The following CHUK variants were observed in gnomAD, a reference collection of about 807,000 sequenced individuals.
The protein encoded by CHUK is component of inhibitor of nuclear factor kappa B kinase complex, also known as inhibitor of nuclear factor kappa-B kinase subunit alpha.
In CHUK, 35 loss-of-function variants were observed where a neutral mutation model predicts 104.8. The ratio of observed to expected loss-of-function variants is 0.33; its 90% CI spans 0.26 to 0.44. The LOEUF (loss-of-function observed/expected upper bound fraction) is 0.44, where lower values mean the gene tolerates loss of function less well. CHUK is among the 20% of genes least tolerant of loss of function. The pLI is 1.00. For synonymous variants in CHUK, 276 were observed against 291.9 expected (o/e 0.95, Z 0.56); for missense variants, 663 against 902.7 (o/e 0.73, Z 3.40).
chr10:100,207,988 G>C (rs908868628), intron 10 of CHUK, among the ~76,000 whole-genome samples: 1 of 152,024 alleles, frequency 6.6e-6, no homozygotes, highest in African/African-American at 2.4e-5. Context: ...GTCATAAAAA[G>C]AAAAATGGGG....
intron 20 of CHUK, chr10:100,190,323 T>C (rs78531297): frequency 0.012 from 1,941 of 167,926 alleles, 43 homozygotes; most frequent in African/African-American, 0.044. Flanking sequence ...GCCTGGCCAC[T>C]GCTATTTTTC....
chr10:100,186,350 G>A (rs974224185), downstream of CHUK: 1 of 280,518 alleles, frequency 3.6e-6, no homozygotes, highest in Non-Finnish European at 6.6e-6. Flanking sequence ...TTGTCCTTTT[G>A]CAGTGTATGC....
intron 20 of CHUK, among the ~76,000 whole-genome samples, 153 bp from the exon 21 acceptor site, chr10:100,189,780 CAG>C (rs897206889): frequency 1.5e-4 from 23 of 151,624 alleles, no homozygotes; most frequent in Non-Finnish European, 2.7e-4. Context: ...AAAAAAATTT[CAG>C]AGTTTTTTTC....
At chr10:100,227,436 A>C (rs117824388) in intron 1 of CHUK, among the ~76,000 whole-genome samples, 1,684 of 152,326 alleles carry the variant, frequency 0.011, 15 homozygotes, top group Non-Finnish European at 0.018. Context: ...CCCAGGGACC[A>C]AGAAAAGAAG....
In CHUK at chr10:100,229,565, A is replaced by G. The variant is rs756863165; in HGVS notation, c.-33T>C. 764 of 1,380,278 alleles carry G rather than the reference A, an allele frequency of 5.5e-4. 1 individual carries two copies. Among genetic ancestry groups the G allele is most frequent in the Non-Finnish European group, 6.7e-4 (677 of 1,014,468 alleles). 85.5% of individuals were successfully genotyped at this position (1,380,278 alleles called of 1,614,324 possible). A position where few individuals can be genotyped will look rare whatever the true frequency, so the allele number is the denominator to read the frequency against. On this transcript the variant is annotated 5_prime_UTR_variant, in exon 1 of 21. Transcript: ENST00000370397. ...GAGGGCAAGCGGCCTCAGGTTCCACAGTTGTTCCAAGGCCGGTTCCGGGCC... is the reference window on the plus strand; with the variant it reads ...GAGGGCAAGCGGCCTCAGGTTCCACGGTTGTTCCAAGGCCGGTTCCGGGCC...
At chr10:100,191,587 G>C (rs533820456) in intron 19 of CHUK, among the ~76,000 whole-genome samples, 2 of 152,338 alleles carry the variant, frequency 1.3e-5, no homozygotes, top group African/African-American at 4.8e-5. Flanking sequence ...AGGCAGTCCT[G>C]ATTGTGGTTT....
At chr10:100,202,626 G>T (rs1367997894) in intron 13 of CHUK, among the ~76,000 whole-genome samples, 2 of 152,212 alleles carry the variant, frequency 1.3e-5, no homozygotes, top group African/African-American at 4.8e-5. Context: ...CTGTGAGACA[G>T]TAAGTTTCCA....
intron 9 of CHUK, among the ~76,000 whole-genome samples, chr10:100,211,384 A>G (rs1180448135): frequency 6.6e-6 from 1 of 152,172 alleles, no homozygotes; most frequent in Non-Finnish European, 1.5e-5. Flanking sequence ...CAGCTAATTA[A>G]TATATCTGTC....
At chr10:100,213,352 C>T (rs1000285825) in intron 9 of CHUK, among the ~76,000 whole-genome samples, 3 of 151,952 alleles carry the variant, frequency 2.0e-5, no homozygotes, top group Non-Finnish European at 2.9e-5. Context: ...GCCATGATGG[C>T]GCACACCTGT....
rs1399609121 is a variant in CHUK, at chr10:100,188,382, T to G, written c.*1216A>C. 2 of 152,622 alleles carry G rather than the reference T, an allele frequency of 1.3e-5. No individual in the cohort carries two copies. Among genetic ancestry groups the G allele is most frequent in the Non-Finnish European group, 2.9e-5 (2 of 68,028 alleles). 9.5% of individuals were successfully genotyped at this position (152,622 alleles called of 1,614,324 possible). Reference sequence around the variant, plus strand: ...ATCAAGAAAGTAATTTAAAAACCATTTAATACACAAAGTGAAAAACTATTA... The same window carrying G: ...ATCAAGAAAGTAATTTAAAAACCATGTAATACACAAAGTGAAAAACTATTA... On this transcript the variant is annotated 3_prime_UTR_variant, in exon 21 of 21. Transcript: ENST00000370397.
chr10:100,223,012 A>C (rs780479614), intron 2 of CHUK, 32 bp from the exon 3 acceptor site: 1 of 1,136,986 alleles, frequency 8.8e-7, no homozygotes, highest in Non-Finnish European at 1.3e-6. Flanking sequence ...ACAATAAAAA[A>C]AATTATTTCC....
intron 9 of CHUK, among the ~76,000 whole-genome samples, chr10:100,213,486 C>CA (rs112195586): frequency 0.043 from 5,396 of 125,778 alleles, 131 homozygotes; most frequent in Non-Finnish European, 0.07. Context: ...ACTCTTATCT[C>CA]AAAAAAAAAA....
chr10:100,204,949 A>G (rs1564834242), intron 12 of CHUK, 127 bp downstream of exon 12: 1 of 1,092,018 alleles, frequency 9.2e-7, no homozygotes, highest in Non-Finnish European at 1.4e-6. Context: ...TTATCAGAAC[A>G]TTACACTTCA....
chr10:100,222,439 T>C (rs1159654094), intron 3 of CHUK, among the ~76,000 whole-genome samples: 1 of 152,156 alleles, frequency 6.6e-6, no homozygotes, highest in East Asian at 1.9e-4. Context: ...AAAATGGTCA[T>C]ATGGGCACAT....
chr10:100,228,993 G>GCACACACACACACACA (rs59218517), intron 1 of CHUK, among the ~76,000 whole-genome samples: 1,367 of 133,486 alleles, frequency 0.01, 16 homozygotes, highest in East Asian at 0.031. Flanking sequence ...GCGCGCGCGC[G>GCACACACACACACACA]CACACACACA....
At chr10:100,220,457 T>A (rs1434706940) in intron 5 of CHUK, 131 bp downstream of exon 5, 1 of 714,520 alleles carries the variant, frequency 1.4e-6, no homozygotes, top group African/African-American at 1.7e-5. Context: ...TACAGTTCAG[T>A]GTGGTGAGGT....
Position 100,204,583 on chromosome 10 carries a change from T to C in CHUK, c.1430A>G (p.Lys477Arg), listed in dbSNP as rs1370221175. 1 of 1,613,650 alleles carries C rather than the reference T, an allele frequency of 6.2e-7. No homozygotes were observed. The highest frequency in any genetic ancestry group is 2.2e-5 in the East Asian group (1 of 44,836). Residue 477 changes from lysine to arginine, a missense_variant, in exon 13 of 21, where the codon AAA becomes AGA. Transcript: ENST00000370397. ...NTLISASQQL[K>R]AKLEFFHKSI... Reference sequence around the variant, plus strand: ...TTTGTGAAAAAACTCCAATTTAGCTTTCAGTTGTTGTGATGCTGAGATCAA... The same window carrying C: ...TTTGTGAAAAAACTCCAATTTAGCTCTCAGTTGTTGTGATGCTGAGATCAA...
Position 100,190,962 on chromosome 10 carries a change from A to G in CHUK, c.2115T>C (p.Thr705=). The change falls in exon 20 of 21, where the codon ACT becomes ACC. Residue 705 remains threonine, a synonymous_variant. Transcript: ENST00000370397. ...AATTTTCTTCTATCATTTGTGCTGA[A>G]GTCTCCCTGTGAGATGAAAGAACAA... ...SCVVTPQDGE[T]SAQMIEENLN... 1 of 1,595,964 alleles carries G rather than the reference A, an allele frequency of 6.3e-7. No individual in the cohort carries two copies. Among genetic ancestry groups the G allele is most frequent in the South Asian group, 1.1e-5 (1 of 90,680 alleles).
chr10:100,228,862 C>T (rs1274902158), intron 1 of CHUK, among the ~76,000 whole-genome samples: 1 of 152,078 alleles, frequency 6.6e-6, no homozygotes, highest in Non-Finnish European at 1.5e-5. Context: ...CTGTCCCGAC[C>T]TGGAATACAT....
Sources: gnomAD v4.1 joint callset for allele counts (sites outside exome capture counted in the v4.1 genomes callset) on GRCh38, gnomAD v4.1.1 for gene constraint, MANE v1.5 for transcripts, NCBI Gene and HGNC (gene_info 2026-07-23, HGNC 2026-07-21) for gene names.